Variants in CEP120 observed in about 807,000 individuals in gnomAD.
The protein encoded by CEP120 is centrosomal protein of 120 kDa.
CEP120 carries 113 observed loss-of-function variants against 126.5 expected under a neutral mutation model. The ratio of observed to expected loss-of-function variants is 0.89; its 90% CI spans 0.77 to 1.04. The LOEUF (loss-of-function observed/expected upper bound fraction) is 1.04. CEP120 is among the 50% of genes least tolerant of loss of function. The pLI is 0.00. For missense variants in CEP120, 1,230 were observed against 1,155.7 expected, an observed-to-expected ratio of 1.06 and a Z score of -0.93; for synonymous variants, 400 against 394.3, an observed-to-expected ratio of 1.01 and a Z score of -0.17.
chr5:123,405,277 A>AC lies in CEP120; in HGVS notation c.464-5994_464-5993insG, dbSNP rs1554105013. Among the ~76,000 whole-genome samples the AC allele has an allele frequency of 5.1e-4, 78 of 152,250 alleles. No homozygotes were observed. In the Middle Eastern group the frequency reaches 0.017, roughly 33 times the overall value. On this transcript the variant is annotated intron_variant, in intron 4 of 19. Coordinates refer to ENST00000306467, the MANE Select transcript of CEP120 (RefSeq NM_001375405.1). ...AACCAGCCTGAGAGATAAAAACTCC[A>AC]GGGGACCCAGTCACAAGGCAGCCCC...
chr5:123,356,827 A>G (rs1473478048), intron 18 of CEP120, among the ~76,000 whole-genome samples: 1 of 152,150 alleles, frequency 6.6e-6, no homozygotes, highest in Non-Finnish European at 1.5e-5. Flanking sequence ...GTCAACAAAT[A>G]CTGTTATTGT....
intron 4 of CEP120, chr5:123,401,533 G>A (rs970900151): frequency 3.0e-5 from 39 of 1,302,320 alleles, no homozygotes; most frequent in Non-Finnish European, 3.7e-5. Context: ...TGCGGTTGGC[G>A]ATCTCCTCGT....
At position 123,412,747 on chromosome 5, in the gene CEP120, ATTG is replaced by A. The variant is rs760088112; in HGVS notation, c.322-210_322-208del. ...CTAGAAAAACTACGTAGAAATTTAA[ATTG>A]TTTTCTTTGCTTGTCTTCCTATGCT... On this transcript the variant is annotated intron_variant, in intron 3 of 19. Coordinates refer to ENST00000306467, the MANE Select transcript of CEP120 (RefSeq NM_001375405.1). 1.4e-4 allele frequency among the ~76,000 whole-genome samples: 22 copies of A among 152,308 alleles called. No homozygotes were observed. In the East Asian group the frequency reaches 4.2e-3, roughly 29 times the overall value.
chr5:123,378,432 A>C lies in CEP120; in HGVS notation c.2104-4T>G, dbSNP rs1300211976. On this transcript the variant is annotated splice_region_variant and splice_polypyrimidine_tract_variant and intron_variant, in intron 14 of 19. Coordinates refer to ENST00000306467, the MANE Select transcript of CEP120 (RefSeq NM_001375405.1). ...CTAGAATAGTATATTCAGCCACCTA[A>C]AATATAGTAAAAAAAAAAAAAAAAA... 9 of 1,487,550 alleles carry C rather than the reference A, an allele frequency of 6.1e-6. No individual in the cohort carries two copies. The Middle Eastern group carries it at 1.1e-3, about 177-fold the overall frequency. 92.1% of individuals were successfully genotyped at this position (1,487,550 alleles called of 1,614,324 possible). A position where few individuals can be genotyped will look rare whatever the true frequency, so the allele number is the denominator to read the frequency against.
intron 1 of CEP120, 103 bp downstream of exon 1, chr5:123,422,847 G>T (rs1774807753): frequency 9.1e-7 from 1 of 1,093,178 alleles, no homozygotes; most frequent in Non-Finnish European, 1.4e-6. Flanking sequence ...GACCACAAAA[G>T]CACAGATGAC....
At chr5:123,365,772 A>G (rs1770413488) in intron 17 of CEP120, among the ~76,000 whole-genome samples, 1 of 151,620 alleles carries the variant, frequency 6.6e-6, no homozygotes, top group Non-Finnish European at 1.5e-5. Flanking sequence ...CTCAGAAGAA[A>G]AGAAAAAAAT....
chr5:123,357,072 C>T (rs1452025001), intron 18 of CEP120, among the ~76,000 whole-genome samples: 2 of 152,010 alleles, frequency 1.3e-5, no homozygotes, highest in Non-Finnish European at 2.9e-5. Context: ...GTTCAGCAAT[C>T]GTTTTCTTTA....
chr5:123,363,345 T>C (rs1346662605), intron 18 of CEP120, among the ~76,000 whole-genome samples: 1 of 151,652 alleles, frequency 6.6e-6, no homozygotes, highest in Non-Finnish European at 1.5e-5. Context: ...CAGTAAATTT[T>C]ATATTTATAG....
At chr5:123,371,192 A>AG (rs1562019869) in intron 17 of CEP120, among the ~76,000 whole-genome samples, 7 of 152,062 alleles carry the variant, frequency 4.6e-5, no homozygotes, top group Non-Finnish European at 7.4e-5. Flanking sequence ...CATGATGCCT[A>AG]TATTAGTCTG....
At chr5:123,386,954 T>C (rs1421485795) in intron 9 of CEP120, among the ~76,000 whole-genome samples, 2 of 152,272 alleles carry the variant, frequency 1.3e-5, no homozygotes, top group African/African-American at 4.8e-5. Context: ...GTTTATTTTA[T>C]ACAATAGTAT....
At position 123,385,027 on chromosome 5, in the gene CEP120, G is replaced by A. The variant is rs756487380; in HGVS notation, c.1687C>T (p.Arg563Cys). The A allele has an allele frequency of 2.0e-5, 33 of 1,613,564 alleles. No homozygotes were observed. The highest frequency in any genetic ancestry group is 1.7e-4 in the Middle Eastern group (1 of 6,058). The part of the protein sequence containing the change: ...LSNILSSEKT[R>C]FLGSNGEQCW... Reference sequence around the variant, plus strand: ...TGTTCACCATTAGAACCTAAAAAACGAGTTTTTTCTGAAGACAAGATGTTA... The same window carrying A: ...TGTTCACCATTAGAACCTAAAAAACAAGTTTTTTCTGAAGACAAGATGTTA... The change falls in exon 11 of 20, where the codon CGT (arginine) becomes TGT (cysteine). Residue 563 changes from arginine (R) to cysteine (C), a missense_variant. Arg to Cys is a radical substitution (Grantham distance 180). Transcript: ENST00000306467.
intron 18 of CEP120, among the ~76,000 whole-genome samples, chr5:123,356,326 T>C (rs550715092): frequency 6.6e-6 from 1 of 152,214 alleles, no homozygotes; most frequent in Non-Finnish European, 1.5e-5. Flanking sequence ...AGAAAGTCAT[T>C]GGTAGCTTGA....
chr5:123,360,293 A>G (rs920840876), intron 18 of CEP120, among the ~76,000 whole-genome samples: 4 of 151,982 alleles, frequency 2.6e-5, no homozygotes, highest in Non-Finnish European at 5.9e-5. Flanking sequence ...TTACTAAAAC[A>G]GTCAGGGGCA....
chr5:123,350,093 GAAAGAAAC>G lies in CEP120; in HGVS notation c.2581-12_2581-5del, dbSNP rs1369927190. On this transcript the variant is annotated splice_polypyrimidine_tract_variant and splice_region_variant and intron_variant, in intron 18 of 19. Transcript: ENST00000306467. ...CCATTTGACTTTCTTGCTCCCTCTTGAAAGAAACAAAGAAACAAGTCATATCCTTAATA... is the reference window on the plus strand; with the variant it reads ...CCATTTGACTTTCTTGCTCCCTCTTGAAAGAAACAAGTCATATCCTTAATA... 8 of 1,603,432 alleles carry G rather than the reference GAAAGAAAC, an allele frequency of 5.0e-6. No homozygotes were observed. Among genetic ancestry groups the G allele is most frequent in the Non-Finnish European group, 6.8e-6 (8 of 1,176,646 alleles).
chr5:123,420,670 A>G (rs940571737), intron 1 of CEP120, among the ~76,000 whole-genome samples: 1 of 152,230 alleles, frequency 6.6e-6, no homozygotes, highest in African/African-American at 2.4e-5. Context: ...CCCAGGGAGT[A>G]AAGGAGGAAG....
intron 18 of CEP120, chr5:123,358,107 A>G (rs778158541): frequency 2.6e-5 from 4 of 152,176 alleles, no homozygotes; most frequent in Non-Finnish European, 5.9e-5. Context: ...CAATATTTAT[A>G]GAGAATGACT....
At chr5:123,414,918 G>C (rs939258096) in intron 3 of CEP120, among the ~76,000 whole-genome samples, 7 of 137,624 alleles carry the variant, frequency 5.1e-5, no homozygotes, top group Admixed American at 3.2e-4. Flanking sequence ...CTTGCAGTGA[G>C]CCGAGATCGT....
intron 14 of CEP120, 132 bp from the exon 15 acceptor site, chr5:123,378,560 C>A: frequency 2.1e-6 from 1 of 483,592 alleles, no homozygotes; most frequent in East Asian, 3.5e-5. Flanking sequence ...CAAATTACAT[C>A]CGCCAATTCA....
chr5:123,412,504 T>A lies in CEP120; in HGVS notation c.358A>T (p.Thr120Ser). ...KWYQLLSNKY[T>S]KFKSEIQISI... ...ATCTGTATCTCAGACTTGAATTTGG[T>A]GTATTTATTACTCAGCAACTGGTAC... The change falls in exon 4 of 20, where the codon ACC (threonine) becomes TCC (serine). Residue 120 changes from threonine to serine, a missense_variant. By Grantham distance (58) the Thr-to-Ser change is moderately conservative (BLOSUM62 1). Coordinates refer to ENST00000306467, the MANE Select transcript of CEP120 (RefSeq NM_001375405.1). The A allele has an allele frequency of 6.2e-7, 1 of 1,611,690 alleles. No individual in the cohort carries two copies. Among genetic ancestry groups the A allele is most frequent in the Non-Finnish European group, 8.5e-7 (1 of 1,178,824 alleles).
Sources: allele counts gnomAD v4.1 joint callset (sites outside exome capture counted in the v4.1 genomes callset), GRCh38; gene constraint gnomAD v4.1.1; transcripts MANE v1.5; gene names NCBI Gene and HGNC (gene_info 2026-07-23, HGNC 2026-07-21).